FMN1: variants seen among roughly 807,000 people sequenced by gnomAD.
FMN1 encodes the protein formin-1.
A neutral mutation model predicts 132.4 loss-of-function variants in FMN1; 110 were observed. That is an observed-to-expected ratio of 0.83 (90% CI 0.71 to 0.97). The LOEUF (loss-of-function observed/expected upper bound fraction) is 0.97, where lower values mean the gene tolerates loss of function less well. Among genes scored for constraint, FMN1 ranks in the 50% least tolerant of loss-of-function variants. The pLI is 0.00. For synonymous variants in FMN1, 722 were observed against 651.7 expected (o/e 1.11, Z -1.64); for missense variants, 1,792 against 1,705.3 (o/e 1.05, Z -0.90).
intron 10 of FMN1, among the ~76,000 whole-genome samples, chr15:32,916,154 A>G (rs2060678782): frequency 6.6e-6 from 1 of 152,212 alleles, no homozygotes; most frequent in South Asian, 2.1e-4. Context: ...GGCACACATA[A>G]AAACTATGTG....
At chr15:32,816,056 T>G (rs1231941626) in intron 17 of FMN1, among the ~76,000 whole-genome samples, 5 of 152,128 alleles carry the variant, frequency 3.3e-5, no homozygotes. Context: ...ATTAGTTAAG[T>G]AAATACCGAT....
chr15:33,058,621 T>C (rs80195626), intron 6 of FMN1, among the ~76,000 whole-genome samples: 5 of 152,182 alleles, frequency 3.3e-5, no homozygotes, highest in Non-Finnish European at 2.9e-5. Flanking sequence ...TGATTCCTAT[T>C]TGAGGAATCA....
At chr15:33,152,755 T>C (rs1278861334) in intron 4 of FMN1, among the ~76,000 whole-genome samples, 1 of 113,482 alleles carries the variant, frequency 8.8e-6, no homozygotes, top group Non-Finnish European at 1.6e-5. Flanking sequence ...AGAGTCACTG[T>C]TACGCAACCA....
intron 4 of FMN1, among the ~76,000 whole-genome samples, chr15:33,098,948 T>A (rs1199728421): frequency 6.6e-6 from 1 of 152,024 alleles, no homozygotes; most frequent in African/African-American, 2.4e-5. Context: ...CTCCACACAA[T>A]CTCTTCAGTT....
At chr15:32,993,354 T>C (rs1430463050) in intron 7 of FMN1, among the ~76,000 whole-genome samples, 1 of 152,222 alleles carries the variant, frequency 6.6e-6, no homozygotes, top group East Asian at 1.9e-4. Flanking sequence ...TCCTTTAAAT[T>C]ATGTCTAAAG....
rs1472572492 is a variant in FMN1 at position 33,068,305 on chromosome 15, A to G, written c.2044-3231T>C. The G allele has an allele frequency of 2.3e-5, 4 of 176,838 alleles. No homozygotes were observed. In the South Asian group the frequency reaches 3.9e-4, roughly 17 times the overall value. 11.0% of individuals were successfully genotyped at this position (176,838 alleles called of 1,614,324 possible). Reference sequence around the variant, plus strand: ...CCGGCGGTTCTCCTGGTGGCATTCAACTTCCTCATTGGTGAGCAAGTGAAG... The same window carrying G: ...CCGGCGGTTCTCCTGGTGGCATTCAGCTTCCTCATTGGTGAGCAAGTGAAG... On this transcript the variant is annotated intron_variant, in intron 5 of 20. Coordinates refer to ENST00000616417, the MANE Select transcript of FMN1 (RefSeq NM_001277313.2).
intron 6 of FMN1, among the ~76,000 whole-genome samples, chr15:33,029,439 C>CA (rs1423097152): frequency 1.8e-4 from 27 of 151,912 alleles, no homozygotes; most frequent in African/African-American, 6.1e-4. Context: ...CTTGAAATAG[C>CA]AGCTGTTGAG....
intron 9 of FMN1, among the ~76,000 whole-genome samples, chr15:32,960,125 C>T (rs1336956263): frequency 2.0e-5 from 3 of 152,188 alleles, no homozygotes; most frequent in Non-Finnish European, 4.4e-5. Context: ...CATGGGAATA[C>T]ATTCTATGTA....
chr15:33,069,993 CTTTTTT>C (rs1171369156), intron 5 of FMN1, among the ~76,000 whole-genome samples: 26 of 74,324 alleles, frequency 3.5e-4, no homozygotes, highest in African/African-American at 8.4e-4. Context: ...CAGTCTTTCT[CTTTTTT>C]TTTTTTTTTT....
At chr15:33,173,371 T>A (rs1308459835) in intron 3 of FMN1, among the ~76,000 whole-genome samples, 2 of 152,200 alleles carry the variant, frequency 1.3e-5, no homozygotes, top group Non-Finnish European at 2.9e-5. Flanking sequence ...TCTTAGTGTT[T>A]GTAAAAAACT....
At position 32,776,300 on chromosome 15, in the gene FMN1, G is replaced by A. The variant is rs142850394; in HGVS notation, c.4215+535C>T. The stretch of plus-strand genomic sequence containing the variant: ...TGAAAACTGGACTTTGGAGGACAAC[G>A]CAATCTCACATATAGGAAGGCTGGG... On this transcript the variant is annotated intron_variant, in intron 20 of 20. Coordinates refer to ENST00000616417, the MANE Select transcript of FMN1 (RefSeq NM_001277313.2). 2.6e-5 allele frequency among the ~76,000 whole-genome samples: 4 copies of A among 152,302 alleles called. No individual in the cohort carries two copies. In the East Asian group the frequency reaches 7.8e-4, roughly 30 times the overall value.
chr15:32,876,191 G>A (rs975081509), intron 16 of FMN1, among the ~76,000 whole-genome samples: 1 of 152,156 alleles, frequency 6.6e-6, no homozygotes, highest in African/African-American at 2.4e-5. Context: ...CACTTGTGTT[G>A]TTTCTAAACC....
intron 6 of FMN1, among the ~76,000 whole-genome samples, chr15:33,011,350 AT>A (rs2034708440): frequency 6.6e-6 from 1 of 152,156 alleles, no homozygotes; most frequent in African/African-American, 2.4e-5. Context: ...GGAAAAAAAT[AT>A]TCTGTTCCTT....
chr15:33,127,359 G>T (rs199775964), intron 4 of FMN1, among the ~76,000 whole-genome samples: 1 of 123,088 alleles, frequency 8.1e-6, no homozygotes, highest in Admixed American at 1.0e-4. Flanking sequence ...TAAATAACTT[G>T]ACTCTGTTCA....
intron 4 of FMN1, among the ~76,000 whole-genome samples, chr15:33,127,714 T>C (rs1053370150): frequency 1.3e-4 from 20 of 152,200 alleles, no homozygotes; most frequent in Non-Finnish European, 2.2e-4. Flanking sequence ...GCTGAACCTG[T>C]GGTTTCAGGC....
chr15:33,171,132 G>T (rs989414511), intron 3 of FMN1, among the ~76,000 whole-genome samples: 5 of 152,108 alleles, frequency 3.3e-5, no homozygotes, highest in African/African-American at 1.2e-4. Flanking sequence ...GACAAGTATC[G>T]CATGTTTTCA....
At chr15:33,123,294 C>G (rs1962740083) in intron 4 of FMN1, among the ~76,000 whole-genome samples, 1 of 151,972 alleles carries the variant, frequency 6.6e-6, no homozygotes, top group African/African-American at 2.4e-5. Context: ...GGGGTCATGT[C>G]ACTCCTTTGC....
chr15:32,981,731 G>A (rs911573584), intron 7 of FMN1, among the ~76,000 whole-genome samples: 7 of 151,908 alleles, frequency 4.6e-5, no homozygotes, highest in African/African-American at 1.7e-4. Flanking sequence ...TTTAGCACAG[G>A]ACAGCAAAAG....
intron 20 of FMN1, among the ~76,000 whole-genome samples, chr15:32,776,120 A>T (rs1317251174): frequency 6.6e-6 from 1 of 152,258 alleles, no homozygotes; most frequent in African/African-American, 2.4e-5. Flanking sequence ...AGAGAAAGAA[A>T]CAAAGTAACT....
Sources: allele counts gnomAD v4.1 joint callset (sites outside exome capture counted in the v4.1 genomes callset), GRCh38; gene constraint gnomAD v4.1.1; transcripts MANE v1.5; gene names NCBI Gene and HGNC (gene_info 2026-07-23, HGNC 2026-07-21).